SLC24A2: variants seen among roughly 807,000 people sequenced by gnomAD.
SLC24A2 encodes solute carrier family 24 member 2.
A neutral mutation model predicts 62.0 loss-of-function variants in SLC24A2; 36 were observed. That is an observed-to-expected ratio of 0.58 (90% confidence interval 0.44 to 0.77). The LOEUF is 0.77. Among genes scored for constraint, SLC24A2 ranks in the 30% least tolerant of loss-of-function variants. The pLI is 0.00. For missense variants in SLC24A2, 846 were observed against 817.9 expected (o/e 1.03, Z -0.42); for synonymous variants, 358 against 294.0 (o/e 1.22, Z -2.23).
chr9:19,939,692 A>C, the SLC24A2 span, among the ~76,000 whole-genome samples: 56 of 152,334 alleles, frequency 3.7e-4, 1 homozygote, highest in Non-Finnish European at 7.5e-4. Flanking sequence ...TTCCACAGCT[A>C]TACTATCACT....
the SLC24A2 span, among the ~76,000 whole-genome samples, chr9:20,302,802 G>T: frequency 2.6e-5 from 4 of 151,996 alleles, no homozygotes; most frequent in Non-Finnish European, 2.9e-5. Flanking sequence ...ATTTTTAATT[G>T]CCAAGGATGA....
the SLC24A2 span, among the ~76,000 whole-genome samples, chr9:20,220,359 C>G: frequency 6.6e-6 from 1 of 152,150 alleles, no homozygotes; most frequent in Non-Finnish European, 1.5e-5. Flanking sequence ...GATGCACCCC[C>G]GTGCTGACTC....
At chr9:20,216,117 C>G in the SLC24A2 span, among the ~76,000 whole-genome samples, 1 of 152,026 alleles carries the variant, frequency 6.6e-6, no homozygotes, top group Admixed American at 6.5e-5. Context: ...TTTTCTCCTT[C>G]TCTATTTCCC....
the SLC24A2 span, among the ~76,000 whole-genome samples, chr9:20,297,721 G>A: frequency 4.3e-3 from 653 of 152,328 alleles, 6 homozygotes; most frequent in African/African-American, 0.015. Context: ...CCTTGAGGAG[G>A]CTGAGCACAG....
chr9:19,948,997 A>T, the SLC24A2 span, among the ~76,000 whole-genome samples: 608 of 151,242 alleles, frequency 4.0e-3, 2 homozygotes, highest in Non-Finnish European at 7.2e-3. Flanking sequence ...TATTTATTTA[A>T]TTAATTTTAT....
At chr9:20,190,382 A>T in the SLC24A2 span, among the ~76,000 whole-genome samples, 2 of 152,216 alleles carry the variant, frequency 1.3e-5, no homozygotes, top group African/African-American at 2.4e-5. Flanking sequence ...GAAACTTCAG[A>T]TAATAATTAA....
At chr9:20,075,118 T>A in the SLC24A2 span, among the ~76,000 whole-genome samples, 1 of 152,240 alleles carries the variant, frequency 6.6e-6, no homozygotes, top group East Asian at 1.9e-4. Context: ...TACTTTGGCA[T>A]TACTACTTTT....
intron 2 of SLC24A2, among the ~76,000 whole-genome samples, chr9:19,680,973 C>A (rs1819704939): frequency 6.6e-6 from 1 of 152,104 alleles, no homozygotes; most frequent in South Asian, 2.1e-4. Flanking sequence ...GCTTATTGGT[C>A]TCCCTGCCCT....
rs1226200381 is a variant in SLC24A2 at position 19,788,920 on chromosome 9, C to A, written c.-189G>T. ...TGGGAGGACGCGCACACGGCGGGGC[C>A]CCCGAGCGCGGCCCGCCGCTCCAGT... On this transcript the variant is annotated 5_prime_UTR_variant, in exon 1 of 11. Transcript: ENST00000341998. 2 of 985,032 alleles carry A rather than the reference C, an allele frequency of 2.0e-6. No homozygotes were observed. The allele number at this position is 985,032 out of a possible 1,614,324, so 61.0% of individuals were successfully genotyped here. A position where few individuals can be genotyped will look rare whatever the true frequency, so the allele number is the denominator to read the frequency against.
At chr9:19,812,995 G>C in the SLC24A2 span, among the ~76,000 whole-genome samples, 3 of 152,154 alleles carry the variant, frequency 2.0e-5, no homozygotes, top group Non-Finnish European at 4.4e-5. Flanking sequence ...CTGTTTTCCA[G>C]AGGCTTTCTA....
intron 5 of SLC24A2, among the ~76,000 whole-genome samples, chr9:19,583,709 A>G (rs1338832635): frequency 6.6e-6 from 1 of 152,168 alleles, no homozygotes; most frequent in African/African-American, 2.4e-5. Flanking sequence ...TCTAGAGGTA[A>G]GTAGGAGAAA....
intron 8 of SLC24A2, among the ~76,000 whole-genome samples, chr9:19,530,831 A>G (rs990011343): frequency 1.3e-5 from 2 of 152,202 alleles, no homozygotes; most frequent in Non-Finnish European, 2.9e-5. Flanking sequence ...AGCTAGAGGT[A>G]GATAAAGTCT....
the SLC24A2 span, among the ~76,000 whole-genome samples, chr9:19,987,232 G>C: frequency 6.6e-6 from 1 of 152,190 alleles, no homozygotes; most frequent in South Asian, 2.1e-4. Context: ...TGTGCGGGTA[G>C]AGAGGTCTCA....
chr9:20,188,902 T>A, the SLC24A2 span, among the ~76,000 whole-genome samples: 1 of 152,162 alleles, frequency 6.6e-6, no homozygotes, highest in African/African-American at 2.4e-5. Flanking sequence ...AGCTACCAAA[T>A]TTGTAGTAAT....
At chr9:20,224,068 G>A in the SLC24A2 span, among the ~76,000 whole-genome samples, 1,789 of 152,074 alleles carry the variant, frequency 0.012, 44 homozygotes, top group African/African-American at 0.041. Context: ...ACAGCATGAG[G>A]AAACTGCCCT....
At chr9:20,199,206 G>A in the SLC24A2 span, among the ~76,000 whole-genome samples, 1 of 152,180 alleles carries the variant, frequency 6.6e-6, no homozygotes, top group Admixed American at 6.5e-5. Flanking sequence ...GATACCAAAT[G>A]GAGAGCAAGT....
intron 2 of SLC24A2, among the ~76,000 whole-genome samples, chr9:19,775,454 G>A (rs1822817455): frequency 6.6e-6 from 1 of 152,202 alleles, no homozygotes; most frequent in African/African-American, 2.4e-5. Flanking sequence ...ATGGTTTGGT[G>A]AGTGTTGGCC....
the SLC24A2 span, among the ~76,000 whole-genome samples, chr9:20,307,472 C>A: frequency 1.3e-5 from 2 of 152,218 alleles, no homozygotes; most frequent in African/African-American, 4.8e-5. Flanking sequence ...AGCACTTTAA[C>A]AACAACCCTC....
intron 2 of SLC24A2, among the ~76,000 whole-genome samples, chr9:19,679,553 A>G (rs999210775): frequency 4.6e-5 from 7 of 152,146 alleles, no homozygotes; most frequent in African/African-American, 1.7e-4. Context: ...CAGTAGACTG[A>G]GTAAAGATCA....
Sources: allele counts gnomAD v4.1 joint callset (sites outside exome capture counted in the v4.1 genomes callset), GRCh38; gene constraint gnomAD v4.1.1; transcripts MANE v1.5; gene names NCBI Gene and HGNC (gene_info 2026-07-23, HGNC 2026-07-21).